The following UGT1A10 variants were observed in gnomAD, a reference collection of about 807,000 sequenced individuals.
UGT1A10 encodes UDP-glucuronosyltransferase 1A10.
A neutral mutation model predicts 45.8 loss-of-function variants in UGT1A10; 49 were observed. The observed-to-expected ratio is 1.07, with a 90% CI of 0.85 to 1.36. The LOEUF is 1.36. Among genes scored for constraint, UGT1A10 ranks in the 40% most tolerant of loss-of-function variants. The pLI is 0.00. For synonymous variants in UGT1A10, 284 were observed against 249.7 expected (o/e 1.14, Z -1.29); for missense variants, 745 against 668.6 (o/e 1.11, Z -1.26).
intron 1 of UGT1A10, among the ~76,000 whole-genome samples, chr2:233,647,359 A>T (rs1434942945): frequency 1.3e-5 from 2 of 152,168 alleles, no homozygotes. Context: ...ATCTTGTCAC[A>T]TCTTTATCTG....
intron 1 of UGT1A10, among the ~76,000 whole-genome samples, chr2:233,656,875 C>T (rs1397580977): frequency 6.6e-6 from 1 of 151,738 alleles, no homozygotes; most frequent in Non-Finnish European, 1.5e-5. Flanking sequence ...TTAAGATGTG[C>T]AGATAAACAC....
intron 1 of UGT1A10, chr2:233,719,064 G>A (rs745742855): frequency 1.1e-4 from 179 of 1,614,274 alleles, no homozygotes; most frequent in East Asian, 3.6e-4. Context: ...AGCCTATGCT[G>A]TTCCATGGAC....
chr2:233,660,535 C>T (rs1203457103), intron 1 of UGT1A10, among the ~76,000 whole-genome samples: 5 of 152,166 alleles, frequency 3.3e-5, no homozygotes, highest in Non-Finnish European at 7.4e-5. Flanking sequence ...TTCTGTTGTA[C>T]TGGCCTTCTT....
At chr2:233,767,649 T>C (rs965947156) in intron 2 of UGT1A10, among the ~76,000 whole-genome samples, 200 bp from the exon 3 acceptor site, 2 of 152,184 alleles carry the variant, frequency 1.3e-5, no homozygotes, top group African/African-American at 4.8e-5. Context: ...ATTCACGTAG[T>C]GCATACACCC....
chr2:233,668,537 G>A (rs1337290026), intron 1 of UGT1A10, among the ~76,000 whole-genome samples: 3 of 152,146 alleles, frequency 2.0e-5, no homozygotes, highest in Non-Finnish European at 2.9e-5. Flanking sequence ...TGTCTTTATA[G>A]TACCATGATT....
chr2:233,648,903 C>T lies in UGT1A10; in HGVS notation c.855+11526C>T. On this transcript the variant is annotated intron_variant, in intron 1 of 4. Coordinates refer to ENST00000344644, the MANE Select transcript of UGT1A10 (RefSeq NM_019075.4). ...AAACACCTGTCATGGCATATGATCT[C>T]TACAGCCACACATCAATTTGGTTGC... 3.7e-6 allele frequency: 5 copies of T among 1,341,432 alleles called. No homozygotes were observed. The South Asian group carries it at 4.7e-5, about 12-fold the overall frequency. The allele number at this position is 1,341,432 out of a possible 1,614,324, so 83.1% of individuals were successfully genotyped here. A position where few individuals can be genotyped will look rare whatever the true frequency, so the allele number is the denominator to read the frequency against.
intron 1 of UGT1A10, chr2:233,713,045 T>A: frequency 6.2e-7 from 1 of 1,614,044 alleles, no homozygotes; most frequent in East Asian, 2.2e-5. Context: ...GACTGCTGCT[T>A]CTCCTCAGTG....
intron 1 of UGT1A10, among the ~76,000 whole-genome samples, chr2:233,732,641 C>A (rs1039545438): frequency 3.9e-5 from 6 of 152,094 alleles, no homozygotes; most frequent in African/African-American, 1.4e-4. Context: ...TTTCTGAGAC[C>A]ACTGTTCTGC....
intron 1 of UGT1A10, among the ~76,000 whole-genome samples, chr2:233,654,811 G>C (rs1192449344): frequency 6.6e-6 from 1 of 152,156 alleles, no homozygotes; most frequent in African/African-American, 2.4e-5. Context: ...CAGAAATAAG[G>C]CCCAGCACAG....
chr2:233,664,419 A>C (rs1344254725), intron 1 of UGT1A10, among the ~76,000 whole-genome samples: 2 of 152,150 alleles, frequency 1.3e-5, no homozygotes, highest in Non-Finnish European at 2.9e-5. Context: ...TCTACCCTTC[A>C]TTACGTTGCC....
chr2:233,757,312 G>A (rs1288195448), intron 1 of UGT1A10, among the ~76,000 whole-genome samples: 1 of 141,206 alleles, frequency 7.1e-6, no homozygotes, highest in Non-Finnish European at 1.5e-5. Context: ...GGACAGGGGG[G>A]CTGGGGCCCT....
At chr2:233,655,070 C>T (rs2073827143) in intron 1 of UGT1A10, among the ~76,000 whole-genome samples, 1 of 151,814 alleles carries the variant, frequency 6.6e-6, no homozygotes, top group South Asian at 2.1e-4. Context: ...GCCTGGGCAA[C>T]AGAGCAAGAT....
chr2:233,672,894 A>T, intron 1 of UGT1A10: 1 of 1,513,026 alleles, frequency 6.6e-7, no homozygotes, highest in Non-Finnish European at 8.8e-7. Context: ...TTTCATTTCA[A>T]ATTTCTTTCC....
intron 1 of UGT1A10, among the ~76,000 whole-genome samples, chr2:233,707,990 C>A (rs1350319093): frequency 6.6e-6 from 1 of 152,182 alleles, no homozygotes; most frequent in Non-Finnish European, 1.5e-5. Flanking sequence ...GGGTTGTCTA[C>A]TCGAATTATG....
intron 1 of UGT1A10, among the ~76,000 whole-genome samples, chr2:233,765,401 A>G (rs1024843153): frequency 3.9e-5 from 6 of 152,246 alleles, no homozygotes; most frequent in African/African-American, 1.4e-4. Flanking sequence ...TGTGGTACAT[A>G]TACACCATGG....
intron 1 of UGT1A10, among the ~76,000 whole-genome samples, chr2:233,744,592 A>ATC (rs938838610): frequency 2.6e-5 from 4 of 151,912 alleles, no homozygotes; most frequent in East Asian, 1.9e-4. Context: ...CAGTTTTTGC[A>ATC]TCTCTCTTTA....
At chr2:233,647,190 C>T (rs886935028) in intron 1 of UGT1A10, among the ~76,000 whole-genome samples, 22 of 152,308 alleles carry the variant, frequency 1.4e-4, no homozygotes, top group African/African-American at 4.3e-4. Context: ...AATTATCTCC[C>T]TCCAGGTTCC....
chr2:233,686,521 C>T (rs752399800), intron 1 of UGT1A10, among the ~76,000 whole-genome samples: 3 of 152,078 alleles, frequency 2.0e-5, no homozygotes, highest in African/African-American at 4.8e-5. Context: ...CCTCCACCTG[C>T]GTTAGAACCT....
intron 1 of UGT1A10, among the ~76,000 whole-genome samples, chr2:233,689,249 A>G (rs2074933528): frequency 1.3e-5 from 2 of 152,208 alleles, no homozygotes; most frequent in Non-Finnish European, 1.5e-5. Context: ...TGAGTGATTC[A>G]GACTTGACTA....
Sources: gnomAD v4.1 joint callset for allele counts (sites outside exome capture counted in the v4.1 genomes callset) on GRCh38, gnomAD v4.1.1 for gene constraint, MANE v1.5 for transcripts, NCBI Gene and HGNC (gene_info 2026-07-23, HGNC 2026-07-21) for gene names.